The following BMP7 variants were observed in gnomAD, a reference collection of about 807,000 sequenced individuals.
BMP7 encodes osteogenic protein 1.
Under a neutral mutation model 41.2 loss-of-function variants are expected in BMP7, and 12 were observed. That is an observed-to-expected ratio of 0.29 (90% confidence interval 0.19 to 0.47). BMP7 has a LOEUF of 0.47. Ranked by LOEUF, BMP7 falls within the 20% of genes least tolerant of loss-of-function variation. BMP7 has a pLI of 0.99. For synonymous variants in BMP7, 248 were observed against 250.0 expected, an observed-to-expected ratio of 0.99 and a Z score of 0.07; for missense variants, 467 against 606.0, an observed-to-expected ratio of 0.77 and a Z score of 2.41.
rs1223336718 is a variant in BMP7 at position 57,266,045 on chromosome 20, G to A, written c.78C>T (p.Ser26=). The A allele has an allele frequency of 1.9e-6, 3 of 1,544,160 alleles. No homozygotes were observed. Among genetic ancestry groups the A allele is most frequent in the East Asian group, 4.9e-5 (2 of 40,898 alleles). Reference sequence around the variant, plus strand: ...TGTCCAGGCTGAAGTCGGCCAGGGCGGAGCGCAGCAGGAACAGGGGTGCCC... The same window carrying A: ...TGTCCAGGCTGAAGTCGGCCAGGGCAGAGCGCAGCAGGAACAGGGGTGCCC... ...ALWAPLFLLR[S]ALADFSLDNE... Residue 26 remains serine (S), a synonymous_variant, in exon 1 of 7, where the codon TCC becomes TCT. Transcript: ENST00000395863.
At chr20:57,216,482 A>ACGAGGGCGCTGTCTCCTGAGGG (rs1568718045) in intron 2 of BMP7, among the ~76,000 whole-genome samples, 74 of 131,690 alleles carry the variant, frequency 5.6e-4, no homozygotes, top group East Asian at 1.2e-3. Context: ...GCACCTGAGG[A>ACGAGGGCGCTGTCTCCTGAGGG]CGAGGGCGCT....
chr20:57,243,154 G>A (rs2066076496), intron 1 of BMP7, among the ~76,000 whole-genome samples: 1 of 152,060 alleles, frequency 6.6e-6, no homozygotes, highest in Non-Finnish European at 1.5e-5. Flanking sequence ...TGCAAATGAG[G>A]GTCCCCGACT....
chr20:57,175,080 C>T (rs1983893390), intron 4 of BMP7, 73 bp from the exon 5 acceptor site: 2 of 1,449,314 alleles, frequency 1.4e-6, no homozygotes, highest in Admixed American at 3.8e-5. Context: ...AAGTTCCCTC[C>T]ATCTTAGGCA....
rs146514292 is a variant in BMP7, at chr20:57,174,519, T to G, written c.1035+412A>C. On this transcript the variant is annotated intron_variant, in intron 5 of 6. Transcript: ENST00000395863. This position sits in a 1 kb window ranked among gnomAD's most constrained non-coding sequence, Gnocchi z 4.3. Reference sequence around the variant, plus strand: ...GTTGACTGGTTCAGGAACAAGTGCCTGAACCAAGCTGGGCAGATCCGTCCC... The same window carrying G: ...GTTGACTGGTTCAGGAACAAGTGCCGGAACCAAGCTGGGCAGATCCGTCCC... Among the ~76,000 whole-genome samples the G allele has an allele frequency of 1.5e-3, 221 of 152,184 alleles. No homozygotes were observed. Among genetic ancestry groups the G allele is most frequent in the African/African-American group, 5.2e-3 (216 of 41,528 alleles).
intron 3 of BMP7, among the ~76,000 whole-genome samples, chr20:57,193,629 T>C (rs1378756768): frequency 1.3e-5 from 2 of 152,236 alleles, no homozygotes; most frequent in African/African-American, 4.8e-5. Flanking sequence ...ATTTCAATAG[T>C]TCATTCCTTT....
intron 1 of BMP7, among the ~76,000 whole-genome samples, chr20:57,252,230 C>A (rs1246602210): frequency 6.6e-6 from 1 of 152,144 alleles, no homozygotes; most frequent in Non-Finnish European, 1.5e-5. Context: ...TGATTCTTCT[C>A]GAGTATTTAT....
chr20:57,181,420 C>T (rs1480365483), intron 4 of BMP7, among the ~76,000 whole-genome samples: 1 of 151,296 alleles, frequency 6.6e-6, no homozygotes, highest in Admixed American at 6.6e-5. Flanking sequence ...TGCTTGAGCC[C>T]AGGAGGTCAA....
chr20:57,265,047 G>A (rs944474961), intron 1 of BMP7, among the ~76,000 whole-genome samples: 2 of 115,154 alleles, frequency 1.7e-5, no homozygotes, highest in African/African-American at 4.1e-5. Context: ...AAAAAAAAAA[G>A]AAAAGAAAAG....
chr20:57,185,292 G>A (rs953843031), intron 3 of BMP7, among the ~76,000 whole-genome samples: 1 of 152,244 alleles, frequency 6.6e-6, no homozygotes, highest in Non-Finnish European at 1.5e-5. Flanking sequence ...GAAAGACGAT[G>A]TACAGGGAGG....
At chr20:57,216,515 GT>G (rs1985025588) in intron 2 of BMP7, among the ~76,000 whole-genome samples, 1 of 151,208 alleles carries the variant, frequency 6.6e-6, no homozygotes, top group African/African-American at 2.4e-5. Context: ...CGAGGGGGCT[GT>G]CTCCTGAGGG....
chr20:57,212,875 G>A (rs1371964169), intron 2 of BMP7, among the ~76,000 whole-genome samples: 1 of 152,188 alleles, frequency 6.6e-6, no homozygotes, highest in East Asian at 1.9e-4. Context: ...ACTCAGCCCG[G>A]GCCCCAGGCT....
chr20:57,237,132 G>A (rs2066050894), intron 1 of BMP7, among the ~76,000 whole-genome samples: 1 of 152,200 alleles, frequency 6.6e-6, no homozygotes, highest in South Asian at 2.1e-4. Context: ...TCAGAGTCTG[G>A]TTTCTGTGAG....
At chr20:57,263,983 C>T (rs1448158957) in intron 1 of BMP7, among the ~76,000 whole-genome samples, 1 of 152,174 alleles carries the variant, frequency 6.6e-6, no homozygotes, top group Non-Finnish European at 1.5e-5. Flanking sequence ...GCAGCCCACT[C>T]ATCTGCACCT....
At chr20:57,189,554 A>C (rs1328534902) in intron 3 of BMP7, among the ~76,000 whole-genome samples, 1 of 152,230 alleles carries the variant, frequency 6.6e-6, no homozygotes, top group Non-Finnish European at 1.5e-5. Context: ...TTGGGACTGC[A>C]CCGTCAATCC....
intron 1 of BMP7, among the ~76,000 whole-genome samples, chr20:57,247,106 C>A (rs1341420461): frequency 6.6e-6 from 1 of 152,186 alleles, no homozygotes; most frequent in African/African-American, 2.4e-5. Flanking sequence ...AGTAGACACA[C>A]CTCCACACCC....
intron 6 of BMP7, 179 bp downstream of exon 6, chr20:57,173,021 C>T: frequency 1.4e-6 from 1 of 695,810 alleles, no homozygotes; most frequent in Non-Finnish European, 2.6e-6. Flanking sequence ...CTCTTTATAC[C>T]AAACCAGTCA....
chr20:57,174,863 G>C lies in BMP7; in HGVS notation c.1035+68C>G. 1 of 1,502,508 alleles carries C rather than the reference G, an allele frequency of 6.7e-7. No individual in the cohort carries two copies. Among genetic ancestry groups the C allele is most frequent in the Non-Finnish European group, 9.1e-7 (1 of 1,102,782 alleles). 93.1% of individuals were successfully genotyped at this position (1,502,508 alleles called of 1,614,324 possible). Reference sequence around the variant, plus strand: ...GAGATGAGAAACAAGACTGAGCACAGACCCGCTGCCTCGTGGGAGCCCACG... The same window carrying C: ...GAGATGAGAAACAAGACTGAGCACACACCCGCTGCCTCGTGGGAGCCCACG... On this transcript the variant is annotated intron_variant, in intron 5 of 6. Transcript: ENST00000395863. This position sits in a 1 kb window ranked among gnomAD's most constrained non-coding sequence, Gnocchi z 4.3.
intron 3 of BMP7, among the ~76,000 whole-genome samples, chr20:57,192,947 TATA>T (rs1279065837): frequency 6.6e-6 from 1 of 152,144 alleles, no homozygotes; most frequent in Non-Finnish European, 1.5e-5. Context: ...TTTCCTGCGG[TATA>T]ATAACTGAGC....
At chr20:57,235,724 A>C (rs2066045094) in intron 1 of BMP7, among the ~76,000 whole-genome samples, 2 of 152,226 alleles carry the variant, frequency 1.3e-5, no homozygotes, top group Admixed American at 6.5e-5. Flanking sequence ...TTAGGTAAGA[A>C]GTTTGCTGAG....
Sources: gnomAD v4.1 joint callset for allele counts (sites outside exome capture counted in the v4.1 genomes callset) on GRCh38, gnomAD v4.1.1 for gene constraint, Gnocchi (gnomAD v3.1) non-coding constraint, MANE v1.5 for transcripts, NCBI Gene and HGNC (gene_info 2026-07-23, HGNC 2026-07-21) for gene names.